The following USP54 variants were observed in gnomAD, a reference collection of about 807,000 sequenced individuals.
USP54 encodes ubiquitin carboxyl-terminal hydrolase 54.
Under a neutral mutation model 170.5 loss-of-function variants are expected in USP54, and 87 were observed. The ratio of observed to expected loss-of-function variants is 0.51; its 90% CI spans 0.43 to 0.61. The LOEUF is 0.61. Ranked by LOEUF, USP54 falls within the 20% of genes least tolerant of loss-of-function variation. USP54 has a pLI of 0.00. For synonymous variants in USP54, 655 were observed against 742.8 expected (o/e 0.88, Z 1.92); for missense variants, 1,786 against 2,047.8 (o/e 0.87, Z 2.47).
chr10:73,522,340 T>C (rs999269626), intron 17 of USP54, among the ~76,000 whole-genome samples: 2 of 152,260 alleles, frequency 1.3e-5, no homozygotes. Flanking sequence ...TTCTCTACTC[T>C]ATGGAGATCT....
At chr10:73,529,609 C>A (rs1374061042) in intron 15 of USP54, 71 bp downstream of exon 15, 3 of 1,563,870 alleles carry the variant, frequency 1.9e-6, no homozygotes, top group East Asian at 4.5e-5. Context: ...CTCAGCCATG[C>A]CTGAAAGCCC....
At chr10:73,505,503 C>T (rs1488892795) in intron 20 of USP54, 77 bp from the exon 21 acceptor site, 1 of 1,111,564 alleles carries the variant, frequency 9.0e-7, no homozygotes, top group East Asian at 2.4e-5. Flanking sequence ...GCAGCACAAA[C>T]TCAGGAGCTG....
intron 15 of USP54, among the ~76,000 whole-genome samples, chr10:73,528,518 A>C (rs2063374545): frequency 6.6e-6 from 1 of 151,526 alleles, no homozygotes; most frequent in Non-Finnish European, 1.5e-5. Context: ...GGCCTCCCAA[A>C]GTGCTGGGAT....
chr10:73,564,641 G>C (rs1165068036), intron 4 of USP54, among the ~76,000 whole-genome samples: 1 of 152,098 alleles, frequency 6.6e-6, no homozygotes, highest in Non-Finnish European at 1.5e-5. Flanking sequence ...ACAGTTCCAG[G>C]TTCCCTTGTG....
At position 73,530,475 on chromosome 10, in the gene USP54, G is replaced by A. The variant is rs774832606; in HGVS notation, c.1496C>T (p.Ser499Phe). 1.2e-6 allele frequency: 2 copies of A among 1,613,976 alleles called. No homozygotes were observed. Among genetic ancestry groups the A allele is most frequent in the South Asian group, 2.2e-5 (2 of 91,018 alleles). The stretch of plus-strand genomic sequence containing the variant: ...ATCTCTCAGCCTGTTGGTGCTGCTG[G>A]ATGGTTTGGAGGCATTTCTAGGAGC... ...KQAPRNASKP[S>F]SSTNRLRDFK... Residue 499 changes from serine to phenylalanine, a missense_variant, in exon 14 of 24, where the codon TCC becomes TTC. Transcript: ENST00000687698.
intron 1 of USP54, among the ~76,000 whole-genome samples, chr10:73,583,191 A>G (rs975950509): frequency 6.6e-6 from 1 of 152,230 alleles, no homozygotes; most frequent in African/African-American, 2.4e-5. Flanking sequence ...GAAGAAAAAC[A>G]CCTAAAATGC....
chr10:73,602,775 G>A (rs1341359890), intron 1 of USP54, among the ~76,000 whole-genome samples: 1 of 142,376 alleles, frequency 7.0e-6, no homozygotes. Flanking sequence ...AGAACTGCTT[G>A]AACTCAGGAG....
upstream of USP54, among the ~76,000 whole-genome samples, chr10:73,592,832 T>A (rs2078382444): frequency 6.6e-6 from 1 of 152,188 alleles, no homozygotes; most frequent in East Asian, 1.9e-4. Context: ...TCTAATAGAT[T>A]GTAATCTCTC....
intron 22 of USP54, among the ~76,000 whole-genome samples, chr10:73,501,865 C>T (rs1353648582): frequency 1.3e-5 from 2 of 152,148 alleles, no homozygotes; most frequent in African/African-American, 2.4e-5. Context: ...TCACTGAGAT[C>T]TCTAATCAAA....
rs143430498 is a variant in USP54 at position 73,520,829 on chromosome 10, T to C, written c.2482+79A>G. 2,516 of 1,592,642 alleles carry C rather than the reference T, an allele frequency of 1.6e-3. 8 individuals are homozygous for C. The highest frequency in any genetic ancestry group is 1.8e-3 in the Non-Finnish European group (2,043 of 1,166,920). On this transcript the variant is annotated intron_variant, in intron 18 of 23. Coordinates refer to ENST00000687698, the MANE Select transcript of USP54 (RefSeq NM_001391956.1). ...GGAGACACAAAAACTGTTTTTATCC[T>C]GTCTGAGTGACAACACTAATAATAC...
chr10:73,505,834 C>G (rs1385507546), intron 20 of USP54: 1 of 152,888 alleles, frequency 6.5e-6, no homozygotes, highest in African/African-American at 2.4e-5. Context: ...CACGCCACTG[C>G]ACTCCAGCCC....
chr10:73,524,949 A>C (rs2062594979), intron 16 of USP54, among the ~76,000 whole-genome samples: 1 of 152,156 alleles, frequency 6.6e-6, no homozygotes, highest in Non-Finnish European at 1.5e-5. Context: ...TCATTTTCTC[A>C]CCCTTAATTT....
At chr10:73,600,688 CG>C (rs1199451522) in intron 1 of USP54, among the ~76,000 whole-genome samples, 17 of 152,122 alleles carry the variant, frequency 1.1e-4, no homozygotes, top group African/African-American at 4.1e-4. Context: ...CTGAGGCAGG[CG>C]GATCACCTGA....
At chr10:73,549,850 G>T (rs771733502) in intron 4 of USP54, among the ~76,000 whole-genome samples, 8 of 152,076 alleles carry the variant, frequency 5.3e-5, no homozygotes, top group Non-Finnish European at 1.2e-4. Flanking sequence ...CTCTCTAAAG[G>T]CTTCCCATGG....
At chr10:73,520,599 T>G (rs953058888) in intron 18 of USP54, among the ~76,000 whole-genome samples, 1 of 152,220 alleles carries the variant, frequency 6.6e-6, no homozygotes, top group African/African-American at 2.4e-5. Context: ...AGCCAGTGAC[T>G]AGCAAAAGAG....
intron 1 of USP54, among the ~76,000 whole-genome samples, chr10:73,596,767 T>C (rs992729410): frequency 1.3e-5 from 2 of 151,156 alleles, no homozygotes; most frequent in East Asian, 3.9e-4. Context: ...TCAGTGTTTA[T>C]GTTCAAGTAA....
At chr10:73,524,306 A>G (rs2062464856) in intron 16 of USP54, among the ~76,000 whole-genome samples, 1 of 151,518 alleles carries the variant, frequency 6.6e-6, no homozygotes, top group Non-Finnish European at 1.5e-5. Flanking sequence ...CAGGCCGGGC[A>G]TGGTGACTCA....
chr10:73,602,479 G>C (rs2079246003), intron 1 of USP54, among the ~76,000 whole-genome samples: 1 of 151,860 alleles, frequency 6.6e-6, no homozygotes, highest in African/African-American at 2.4e-5. Context: ...CGTGAACCCA[G>C]GAGGCAGAGC....
chr10:73,521,291 G>A (rs2061846210), intron 17 of USP54, among the ~76,000 whole-genome samples: 1 of 152,210 alleles, frequency 6.6e-6, no homozygotes, highest in African/African-American at 2.4e-5. Context: ...AGTCCCTCAA[G>A]GAAGGAGCTC....
Sources: allele counts gnomAD v4.1 joint callset (sites outside exome capture counted in the v4.1 genomes callset), GRCh38; gene constraint gnomAD v4.1.1; transcripts MANE v1.5; gene names NCBI Gene and HGNC (gene_info 2026-07-23, HGNC 2026-07-21).